NUP58: variants seen among roughly 807,000 people sequenced by gnomAD.
NUP58 encodes the protein nucleoporin 58.
A neutral mutation model predicts 70.1 loss-of-function variants in NUP58; 17 were observed. The ratio of observed to expected loss-of-function variants is 0.24; its 90% confidence interval spans 0.17 to 0.36. The LOEUF is 0.36. NUP58 is among the 10% of genes least tolerant of loss of function. The pLI, the probability that NUP58 is intolerant of heterozygous loss-of-function variation, is 1.00. For synonymous variants in NUP58, 275 were observed against 257.6 expected, an observed-to-expected ratio of 1.07 and a Z score of -0.65; for missense variants, 644 against 701.5, an observed-to-expected ratio of 0.92 and a Z score of 0.93.
Position 25,315,376 on chromosome 13 carries a change from A to G in NUP58, c.594A>G (p.Leu198=), listed in dbSNP as rs1311157616. ...TTATAGGACTTGGACAGAATGCTTT[A>G]GGGTTGACTTTGGGAACTACAGCAG... ...TGTSGLGQNA[L]GLTLGTTAAT... Residue 198 remains leucine, a synonymous_variant, in exon 6 of 16, where the codon TTA becomes TTG. Transcript: ENST00000381736. The G allele has an allele frequency of 1.2e-6, 2 of 1,613,650 alleles. No individual in the cohort carries two copies. Among genetic ancestry groups the G allele is most frequent in the Middle Eastern group, 1.7e-4 (1 of 6,058 alleles).
intron 3 of NUP58, among the ~76,000 whole-genome samples, chr13:25,310,403 A>G (rs577063666): frequency 1.3e-5 from 2 of 150,902 alleles, no homozygotes; most frequent in Admixed American, 6.6e-5. Context: ...TATTTTTAGT[A>G]GAGATGGGGT....
intron 13 of NUP58, chr13:25,334,624 T>C (rs2031719627): frequency 2.0e-6 from 2 of 982,264 alleles, no homozygotes; most frequent in South Asian, 9.4e-5. Flanking sequence ...TAAAGAAAAA[T>C]TATTTTAAAA....
At chr13:25,305,049 G>C (rs2030252255) in intron 1 of NUP58, among the ~76,000 whole-genome samples, 1 of 151,044 alleles carries the variant, frequency 6.6e-6, no homozygotes, top group Non-Finnish European at 1.5e-5. Flanking sequence ...CTGTGTGTGT[G>C]ATCTCACTTA....
intron 12 of NUP58, among the ~76,000 whole-genome samples, chr13:25,329,103 G>A (rs1293443593): frequency 6.6e-6 from 1 of 152,128 alleles, no homozygotes; most frequent in East Asian, 1.9e-4. Flanking sequence ...AATTCTATTA[G>A]TCTATAATAA....
intron 10 of NUP58, 47 bp downstream of exon 10, chr13:25,325,115 G>A (rs1190578073): frequency 1.2e-5 from 16 of 1,326,668 alleles, no homozygotes; most frequent in Non-Finnish European, 1.7e-5. Context: ...CTTTCAGAAA[G>A]CAGAACAGTA....
intron 5 of NUP58, among the ~76,000 whole-genome samples, chr13:25,314,773 G>A (rs1384092913): frequency 6.6e-6 from 1 of 152,152 alleles, no homozygotes; most frequent in African/African-American, 2.4e-5. Context: ...TGACTCACAA[G>A]TGTACGTTAA....
intron 13 of NUP58, chr13:25,334,598 C>A: frequency 1.0e-6 from 1 of 984,334 alleles, no homozygotes; most frequent in Non-Finnish European, 1.2e-6. Flanking sequence ...CTGGGGAAAA[C>A]GCATTTTAGG....
chr13:25,313,757 T>C lies in NUP58; in HGVS notation c.574+6T>C, dbSNP rs958969647. 2 of 1,518,882 alleles carry C rather than the reference T, an allele frequency of 1.3e-6. No individual in the cohort carries two copies. Among genetic ancestry groups the C allele is most frequent in the African/African-American group, 1.5e-5 (1 of 68,346 alleles). The allele number at this position is 1,518,882 out of a possible 1,614,324, so 94.1% of individuals were successfully genotyped here. On this transcript the variant is annotated splice_donor_region_variant and intron_variant, in intron 5 of 15. Coordinates refer to ENST00000381736, the MANE Select transcript of NUP58 (RefSeq NM_014089.4). ...TACAAACACAGGAACATCAGGTAATTGATGGTATTTATTCTCCAGAATAGT... is the reference window on the plus strand; with the variant it reads ...TACAAACACAGGAACATCAGGTAATCGATGGTATTTATTCTCCAGAATAGT...
Position 25,301,657 on chromosome 13 carries a change from T to A in NUP58, c.-117T>A, listed in dbSNP as rs1428722148. On this transcript the variant is annotated 5_prime_UTR_variant, in exon 1 of 16. Transcript: ENST00000381736. ...CCTTCGCCGCCGTTGGGGCTGGAAG[T>A]TCCCGCCAGGTCCGTGCCGGGCGAG... 5.8e-6 allele frequency: 3 copies of A among 514,210 alleles called. No homozygotes were observed. The highest frequency in any genetic ancestry group is 9.8e-6 in the Non-Finnish European group (3 of 307,544). The allele number at this position is 514,210 out of a possible 1,614,324, so 31.9% of individuals were successfully genotyped here.
downstream of NUP58, among the ~76,000 whole-genome samples, chr13:25,344,370 T>C (rs2032024670): frequency 6.6e-6 from 1 of 152,198 alleles, no homozygotes; most frequent in Non-Finnish European, 1.5e-5. Flanking sequence ...TGGGTGGTTA[T>C]ACTAATAATA....
intron 12 of NUP58, among the ~76,000 whole-genome samples, chr13:25,329,883 C>T (rs888831940): frequency 7.2e-5 from 11 of 152,086 alleles, no homozygotes; most frequent in African/African-American, 2.2e-4. Context: ...AGTGCAGTGG[C>T]GTAATCATGA....
chr13:25,331,804 A>G, intron 13 of NUP58: 2 of 1,315,200 alleles, frequency 1.5e-6, no homozygotes, highest in Non-Finnish European at 1.9e-6. Flanking sequence ...ATTTGCTGTA[A>G]TGCTATAAAT....
At chr13:25,349,404 T>C (rs1380731459) in intron 3 of NUP58, among the ~76,000 whole-genome samples, 2 of 152,240 alleles carry the variant, frequency 1.3e-5, no homozygotes, top group African/African-American at 4.8e-5. Flanking sequence ...TTGTGCCTCA[T>C]TAGTAAAATG....
downstream of NUP58, among the ~76,000 whole-genome samples, chr13:25,347,099 A>G (rs1364265096): frequency 1.3e-5 from 2 of 152,166 alleles, no homozygotes; most frequent in African/African-American, 4.8e-5. Flanking sequence ...ATATTATACA[A>G]TATTTTAAAT....
At chr13:25,313,454 T>G (rs2030772481) in intron 4 of NUP58, among the ~76,000 whole-genome samples, 160 bp from the exon 5 acceptor site, 3 of 152,256 alleles carry the variant, frequency 2.0e-5, no homozygotes. Context: ...TTGAAGCTGC[T>G]ATTTCTCTTT....
rs2031969611 is a variant in NUP58 at position 25,341,925 on chromosome 13, CCA to C, written c.*1796_*1797del. On this transcript the variant is annotated 3_prime_UTR_variant, in exon 16 of 16. Transcript: ENST00000381736. Reference sequence around the variant, plus strand: ...ACATATGCACACGTATGTGCATGTGCCACACATTTTTTGTATAATGTTGGGTT... The same window carrying C: ...ACATATGCACACGTATGTGCATGTGCCACATTTTTTGTATAATGTTGGGTT... 1 of 152,144 alleles carries C rather than the reference CCA, an allele frequency of 6.6e-6. No homozygotes were observed. The highest frequency in any genetic ancestry group is 6.5e-5 in the Admixed American group (1 of 15,270). 9.4% of individuals were successfully genotyped at this position (152,144 alleles called of 1,614,324 possible). A position where few individuals can be genotyped will look rare whatever the true frequency, so the allele number is the denominator to read the frequency against.
At chr13:25,332,439 A>G (rs2031641648) in intron 13 of NUP58, 1 of 984,070 alleles carries the variant, frequency 1.0e-6, no homozygotes, top group African/African-American at 1.7e-5. Flanking sequence ...TGATTTTTTT[A>G]TTTTAATCAT....
downstream of NUP58, among the ~76,000 whole-genome samples, chr13:25,342,854 T>C (rs1237307016): frequency 6.6e-6 from 1 of 152,134 alleles, no homozygotes; most frequent in Non-Finnish European, 1.5e-5. Context: ...AACAAATAGG[T>C]TAAAAAGTTT....
intron 13 of NUP58, chr13:25,334,839 T>C (rs2031726772): frequency 1.0e-6 from 1 of 983,446 alleles, no homozygotes; most frequent in South Asian, 4.7e-5. Context: ...TTTTGTAAAA[T>C]GTTACTCTAC....
Sources: allele counts gnomAD v4.1 joint callset (sites outside exome capture counted in the v4.1 genomes callset), GRCh38; gene constraint gnomAD v4.1.1; transcripts MANE v1.5; gene names NCBI Gene and HGNC (gene_info 2026-07-23, HGNC 2026-07-21).